Variants in ATR observed in about 807,000 individuals in gnomAD.
ATR encodes the protein serine/threonine-protein kinase ATR.
Under a neutral mutation model 305.3 loss-of-function variants are expected in ATR, and 142 were observed. The ratio of observed to expected loss-of-function variants is 0.47; its 90% CI spans 0.41 to 0.53. The LOEUF is 0.53. ATR is among the 20% of genes least tolerant of loss of function. The probability of loss-of-function intolerance (pLI) is 0.00; values close to 1 mark genes in which losing one functional copy is unlikely to be tolerated. For synonymous variants in ATR, 1,050 were observed against 1,068.1 expected, an observed-to-expected ratio of 0.98 and a Z score of 0.33; for missense variants, 2,135 against 3,133.1, an observed-to-expected ratio of 0.68 and a Z score of 7.60.
At chr3:142,544,246 T>G (rs2034173045) in intron 16 of ATR, among the ~76,000 whole-genome samples, 3 of 151,396 alleles carry the variant, frequency 2.0e-5, no homozygotes, top group Non-Finnish European at 4.4e-5. Context: ...TTACATGAGC[T>G]CAGAAGTTTG....
intron 36 of ATR, among the ~76,000 whole-genome samples, chr3:142,474,001 A>C (rs1377217155): frequency 7.3e-6 from 1 of 136,122 alleles, no homozygotes; most frequent in Non-Finnish European, 1.5e-5. Flanking sequence ...ATCTTGGTTC[A>C]CTGTAACCTC....
intron 36 of ATR, among the ~76,000 whole-genome samples, chr3:142,473,048 T>G (rs773905295): frequency 6.6e-6 from 1 of 152,196 alleles, no homozygotes; most frequent in Non-Finnish European, 1.5e-5. Context: ...TTCTATAGGT[T>G]GTCTTTTCAC....
rs774086025 is a variant in ATR, at chr3:142,508,118, TA to T, written c.4853-10del. The T allele has an allele frequency of 1.9e-5, 30 of 1,601,558 alleles. No individual in the cohort carries two copies. Among genetic ancestry groups the T allele is most frequent in the African/African-American group, 2.7e-5 (2 of 74,208 alleles). On this transcript the variant is annotated splice_polypyrimidine_tract_variant and intron_variant, in intron 27 of 46. Transcript: ENST00000350721. ...ATAATCCACAGTAGATACTAGATCA[TA>T]AAAAAAGTTGAGTAATTAAAGACTT...
intron 17 of ATR, among the ~76,000 whole-genome samples, 182 bp downstream of exon 17, chr3:142,542,483 T>A (rs368995773): frequency 6.6e-6 from 1 of 152,228 alleles, no homozygotes; most frequent in African/African-American, 2.4e-5. Context: ...CCTCCTAAAC[T>A]AAAGAAATGA....
intron 23 of ATR, among the ~76,000 whole-genome samples, chr3:142,521,967 A>C (rs1039090230): frequency 1.9e-4 from 29 of 152,208 alleles, no homozygotes; most frequent in Non-Finnish European, 3.2e-4. Flanking sequence ...TGTGGGGAAA[A>C]TGGTATCAAA....
intron 36 of ATR, among the ~76,000 whole-genome samples, chr3:142,475,401 T>C (rs986709869): frequency 2.0e-5 from 3 of 152,214 alleles, no homozygotes; most frequent in Non-Finnish European, 4.4e-5. Flanking sequence ...TCCAGCTTCA[T>C]CCATGTCCCT....
At chr3:142,539,331 G>C (rs1168010641) in intron 18 of ATR, among the ~76,000 whole-genome samples, 5 of 151,986 alleles carry the variant, frequency 3.3e-5, no homozygotes, top group Non-Finnish European at 7.4e-5. Flanking sequence ...GATAAGCCCA[G>C]GTCATCTTGT....
At chr3:142,574,280 C>A (rs890749270) in intron 1 of ATR, among the ~76,000 whole-genome samples, 2 of 151,664 alleles carry the variant, frequency 1.3e-5, no homozygotes, top group African/African-American at 4.8e-5. Context: ...GCCTGGGCAA[C>A]ATGGTGAAAC....
In ATR at chr3:142,459,003, C is replaced by T. The variant is rs2108260069; in HGVS notation, c.7458G>A (p.Leu2486=). The change falls in exon 44 of 47, where the codon TTG becomes TTA. Residue 2486 remains leucine, a synonymous_variant. Transcript: ENST00000350721. The part of the protein sequence containing the change: ...RHGENILFDS[L]TGECVHVDFN... ...AATCTACATGTACGCATTCACCAGT[C>T]AAAGAATCAAAGAGAATATTTTCAC... 1 of 1,613,868 alleles carries T rather than the reference C, an allele frequency of 6.2e-7. No individual in the cohort carries two copies. The highest frequency in any genetic ancestry group is 8.5e-7 in the Non-Finnish European group (1 of 1,179,814).
chr3:142,554,098 T>C (rs1303503783), intron 10 of ATR, 83 bp from the exon 11 acceptor site: 7 of 1,186,608 alleles, frequency 5.9e-6, no homozygotes, highest in Non-Finnish European at 8.2e-6. Flanking sequence ...ACAAATAATA[T>C]GCCATGAAGA....
chr3:142,488,655 G>A (rs1403667588), intron 35 of ATR, among the ~76,000 whole-genome samples: 2 of 152,128 alleles, frequency 1.3e-5, no homozygotes, highest in Non-Finnish European at 2.9e-5. Flanking sequence ...ACACGGTAAA[G>A]GGTAGATATG....
At chr3:142,451,501 G>T in intron 46 of ATR, 1 of 1,449,344 alleles carries the variant, frequency 6.9e-7, no homozygotes, top group Non-Finnish European at 9.2e-7. Flanking sequence ...AACACAGACT[G>T]GACCCATAGA....
intron 46 of ATR, chr3:142,450,832 G>T (rs138031504): frequency 1.5e-5 from 21 of 1,370,288 alleles, no homozygotes; most frequent in Non-Finnish European, 1.8e-5. Flanking sequence ...CAGAGCTTCC[G>T]TTCAGTTGCC....
At position 142,470,736 on chromosome 3, in the gene ATR, A is replaced by G. The variant is rs190951179; in HGVS notation, c.6222-553T>C. Among the ~76,000 whole-genome samples, 5 of 152,252 alleles carry G rather than the reference A, an allele frequency of 3.3e-5. No homozygotes were observed. In the East Asian group the frequency reaches 5.8e-4, roughly 18 times the overall value. On this transcript the variant is annotated intron_variant, in intron 36 of 46. Transcript: ENST00000350721. Reference sequence around the variant, plus strand: ...CAAACATTCAGAATCTTTTATCTCCATAATTTTCCAATCTTAGCATCTTGC... The same window carrying G: ...CAAACATTCAGAATCTTTTATCTCCGTAATTTTCCAATCTTAGCATCTTGC...
rs778188323 is a variant in ATR, at chr3:142,553,215, G to C, written c.2805+12C>G. The C allele has an allele frequency of 1.9e-6, 3 of 1,613,556 alleles. No individual in the cohort carries two copies. The highest frequency in any genetic ancestry group is 2.5e-6 in the Non-Finnish European group (3 of 1,179,642). On this transcript the variant is annotated intron_variant, in intron 13 of 46. Coordinates refer to ENST00000350721, the MANE Select transcript of ATR (RefSeq NM_001184.4). ...GCTGTTGCCTATAGTCCAGACAAAC[G>C]CTGACTCTTACCTGACAGATGGGTT...
At chr3:142,508,792 C>T (rs751211396) in intron 27 of ATR, among the ~76,000 whole-genome samples, 19 of 151,894 alleles carry the variant, frequency 1.3e-4, no homozygotes, top group Middle Eastern at 6.8e-3. Flanking sequence ...GGCGTGGTGA[C>T]GGGTGCCTTT....
rs2032710065 is a variant in ATR, at chr3:142,513,700, T to C, written c.4504-62A>G. ...CACATATTGATTAAATGTCAAAGAG[T>C]AGCATGTGAGATAATTTATCACAAA... On this transcript the variant is annotated intron_variant, in intron 25 of 46. Transcript: ENST00000350721. 8.0e-6 allele frequency: 12 copies of C among 1,505,374 alleles called. No homozygotes were observed. The South Asian group carries it at 1.4e-4, about 18-fold the overall frequency. The allele number at this position is 1,505,374 out of a possible 1,614,324, so 93.3% of individuals were successfully genotyped here. A position where few individuals can be genotyped will look rare whatever the true frequency, so the allele number is the denominator to read the frequency against.
In ATR at chr3:142,493,141, T is replaced by G; in HGVS notation, c.6069A>C (p.Lys2023Asn). ...TTATACATATACTTGCCTTATATTTTTTCATAATTGCATTGCTTTCAAAGT... is the reference window on the plus strand; with the variant it reads ...TTATACATATACTTGCCTTATATTTGTTCATAATTGCATTGCTTTCAAAGT... ...TANFESNAIM[K>N]KYKDVTACLP... is the part of the protein sequence containing the mutation. The change falls in exon 35 of 47, where the codon AAA becomes AAC. Residue 2023 changes from lysine to asparagine, a missense_variant. By Grantham distance (94) the Lys-to-Asn change is moderately conservative (BLOSUM62 0). This residue lies in a region of ATR where 462 missense variants were observed against 887.6 expected (regional missense o/e 0.52). Coordinates refer to ENST00000350721, the MANE Select transcript of ATR (RefSeq NM_001184.4). 6.2e-7 allele frequency: 1 copy of G among 1,613,538 alleles called. No individual in the cohort carries two copies. Among genetic ancestry groups the G allele is most frequent in the Non-Finnish European group, 8.5e-7 (1 of 1,179,650 alleles).
intron 46 of ATR, chr3:142,451,981 A>G (rs1489297284): frequency 9.3e-7 from 1 of 1,080,986 alleles, no homozygotes; most frequent in Non-Finnish European, 1.1e-6. Context: ...TGTCCCAGAG[A>G]CCATCTGCTC....
Sources: allele counts gnomAD v4.1 joint callset (sites outside exome capture counted in the v4.1 genomes callset), GRCh38; gene constraint gnomAD v4.1.1; regional missense constraint gnomAD v4.1.1; transcripts MANE v1.5; gene names NCBI Gene and HGNC (gene_info 2026-07-23, HGNC 2026-07-21).